ST18: variants seen among roughly 807,000 people sequenced by gnomAD.
The protein encoded by ST18 is suppression of tumorigenicity 18 protein.
Under a neutral mutation model 110.0 loss-of-function variants are expected in ST18, and 50 were observed. That is an observed-to-expected ratio of 0.45 (90% CI 0.36 to 0.58). ST18 has a LOEUF of 0.58. ST18 is among the 20% of genes least tolerant of loss of function. The pLI, the probability that ST18 is intolerant of heterozygous loss-of-function variation, is 0.00. For missense variants in ST18, 1,306 were observed against 1,280.1 expected, an observed-to-expected ratio of 1.02 and a Z score of -0.31; for synonymous variants, 461 against 452.4, an observed-to-expected ratio of 1.02 and a Z score of -0.24.
chr8:52,146,023 A>C (rs2057141662), intron 16 of ST18, among the ~76,000 whole-genome samples: 2 of 152,218 alleles, frequency 1.3e-5, no homozygotes, highest in Non-Finnish European at 2.9e-5. Flanking sequence ...ACTGTTGTGC[A>C]TATGAACTAG....
intron 2 of ST18, among the ~76,000 whole-genome samples, chr8:52,232,339 T>C (rs930934266): frequency 6.6e-6 from 1 of 152,226 alleles, no homozygotes; most frequent in African/African-American, 2.4e-5. Context: ...CATTATCAAA[T>C]ATAAGCTCAC....
chr8:52,197,748 G>A (rs6989616), intron 8 of ST18, among the ~76,000 whole-genome samples: 1 of 151,916 alleles, frequency 6.6e-6, no homozygotes, highest in Non-Finnish European at 1.5e-5. Context: ...GGAAGGGAAA[G>A]AAGTGTGCAC....
intron 2 of ST18, among the ~76,000 whole-genome samples, chr8:52,267,058 C>T (rs1398830722): frequency 6.6e-6 from 1 of 151,944 alleles, no homozygotes; most frequent in African/African-American, 2.4e-5. Context: ...GTCATGGGTA[C>T]CTGTGCTTGG....
chr8:52,404,212 G>A (rs1464532060), intron 2 of ST18: 3 of 152,156 alleles, frequency 2.0e-5, no homozygotes, highest in East Asian at 1.9e-4. Context: ...AACCACATTA[G>A]AAAAAGATTG....
intron 2 of ST18, among the ~76,000 whole-genome samples, chr8:52,392,274 AT>A (rs1839578471): frequency 6.6e-6 from 1 of 152,084 alleles, no homozygotes; most frequent in South Asian, 2.1e-4. Context: ...GGCGATAAGC[AT>A]GGTGATGGTG....
intron 2 of ST18, among the ~76,000 whole-genome samples, chr8:52,379,300 G>A (rs575016970): frequency 1.1e-4 from 16 of 152,012 alleles, no homozygotes; most frequent in Admixed American, 2.6e-4. Flanking sequence ...GTTTCACCAT[G>A]TTGGCCAGGC....
At chr8:52,311,565 T>TA (rs1323036284) in intron 2 of ST18, among the ~76,000 whole-genome samples, 16 of 152,132 alleles carry the variant, frequency 1.1e-4, no homozygotes, top group Admixed American at 5.9e-4. Context: ...TAATTTATTT[T>TA]AAAAAAGAGG....
chr8:52,171,455 A>T (rs1247859664), intron 10 of ST18: 1 of 390,198 alleles, frequency 2.6e-6, no homozygotes, highest in Non-Finnish European at 4.9e-6. Flanking sequence ...TTTCTGGAAG[A>T]TTTAAGATCC....
chr8:52,341,135 T>G (rs1378311799), intron 2 of ST18, among the ~76,000 whole-genome samples: 1 of 152,202 alleles, frequency 6.6e-6, no homozygotes, highest in Non-Finnish European at 1.5e-5. Flanking sequence ...TTACCAGGCA[T>G]CTTAGTTCAC....
intron 2 of ST18, among the ~76,000 whole-genome samples, chr8:52,267,131 C>T (rs60616056): frequency 0.056 from 8,562 of 152,012 alleles, 817 homozygotes; most frequent in African/African-American, 0.2. Flanking sequence ...ATGGTGCACT[C>T]GTTGGTGACA....
At chr8:52,333,932 G>C (rs1810829789) in intron 2 of ST18, among the ~76,000 whole-genome samples, 1 of 152,214 alleles carries the variant, frequency 6.6e-6, no homozygotes, top group African/African-American at 2.4e-5. Flanking sequence ...CTCCACTTCT[G>C]TGAAACAGAA....
chr8:52,124,410 G>A (rs781250805), intron 23 of ST18, among the ~76,000 whole-genome samples: 22 of 151,992 alleles, frequency 1.4e-4, no homozygotes, highest in South Asian at 4.2e-4. Context: ...TCCTGATCTC[G>A]TGATCTGCCC....
chr8:52,160,024 A>G (rs556888165), intron 14 of ST18, among the ~76,000 whole-genome samples: 76 of 152,268 alleles, frequency 5.0e-4, no homozygotes, highest in African/African-American at 1.7e-3. Context: ...ACACTGGCAA[A>G]TGTTATATTT....
chr8:52,390,670 G>A (rs1227379919), intron 2 of ST18, among the ~76,000 whole-genome samples: 2 of 152,234 alleles, frequency 1.3e-5, no homozygotes, highest in Admixed American at 6.5e-5. Context: ...AACTGCACAG[G>A]GCTAGACTCC....
chr8:52,384,200 A>G (rs1314079989), intron 2 of ST18, among the ~76,000 whole-genome samples: 1 of 152,148 alleles, frequency 6.6e-6, no homozygotes, highest in East Asian at 1.9e-4. Context: ...TCCCCTGGCA[A>G]TTACTGTCCC....
chr8:52,404,787 G>T (rs970308505), intron 2 of ST18: 8 of 152,114 alleles, frequency 5.3e-5, no homozygotes, highest in African/African-American at 1.9e-4. Context: ...AAATTCTAGT[G>T]GGGGTTTAAT....
At chr8:52,214,040 T>C (rs1166599293) in intron 7 of ST18, among the ~76,000 whole-genome samples, 163 bp downstream of exon 7, 1 of 152,148 alleles carries the variant, frequency 6.6e-6, no homozygotes, top group African/African-American at 2.4e-5. Flanking sequence ...GTTCATAATA[T>C]TTTGCCTCTC....
chr8:52,399,295 T>C (rs1338621174), intron 2 of ST18, among the ~76,000 whole-genome samples: 4 of 152,062 alleles, frequency 2.6e-5, no homozygotes, highest in Admixed American at 2.0e-4. Flanking sequence ...TCCACTTTCA[T>C]TAGTGATTTT....
rs549500503 is a variant in ST18 at position 52,356,045 on chromosome 8, G to A, written c.-465+53283C>T. ...AGGTTGGAAAAGGAAGTACATGGGA[G>A]AATAAAGGATTTAAAAAGTTCCCAT... On this transcript the variant is annotated intron_variant, in intron 2 of 25. Transcript: ENST00000689386. Among the ~76,000 whole-genome samples, 61 of 152,268 alleles carry A rather than the reference G, an allele frequency of 4.0e-4. 1 individual carries two copies. The South Asian group carries it at 0.011, about 28-fold the overall frequency.
Sources: allele counts gnomAD v4.1 joint callset (sites outside exome capture counted in the v4.1 genomes callset), GRCh38; gene constraint gnomAD v4.1.1; transcripts MANE v1.5; gene names NCBI Gene and HGNC (gene_info 2026-07-23, HGNC 2026-07-21).